Variants in PDS5B observed in about 807,000 individuals in gnomAD.
The protein encoded by PDS5B is sister chromatid cohesion protein PDS5 homolog B.
Under a neutral mutation model 184.1 loss-of-function variants are expected in PDS5B, and 51 were observed. The observed-to-expected ratio is 0.28, with a 90% CI of 0.22 to 0.35. PDS5B has a LOEUF of 0.35. PDS5B is among the 10% of genes least tolerant of loss of function. The pLI, the probability that PDS5B is intolerant of heterozygous loss-of-function variation, is 1.00. For synonymous variants in PDS5B, 566 were observed against 569.2 expected, an observed-to-expected ratio of 0.99 and a Z score of 0.08; for missense variants, 1,180 against 1,723.3, an observed-to-expected ratio of 0.68 and a Z score of 5.58.
intron 20 of PDS5B, among the ~76,000 whole-genome samples, chr13:32,732,780 C>T (rs894893958): frequency 6.6e-6 from 1 of 152,028 alleles, no homozygotes; most frequent in Non-Finnish European, 1.5e-5. Context: ...GTAATTAGAA[C>T]CTAACACTAA....
chr13:32,658,568 AG>A (rs1283333694), intron 5 of PDS5B, 37 bp downstream of exon 5: 2 of 1,107,884 alleles, frequency 1.8e-6, no homozygotes, highest in African/African-American at 1.6e-5. Flanking sequence ...CATTAAAAAA[AG>A]GTAACAAATT....
At chr13:32,739,073 T>C (rs1256097014) in intron 21 of PDS5B, among the ~76,000 whole-genome samples, 2 of 152,236 alleles carry the variant, frequency 1.3e-5, no homozygotes, top group African/African-American at 2.4e-5. Context: ...CCTACTCTAA[T>C]GTCATGAAAA....
At chr13:32,746,294 ATCT>A (rs982464019) in intron 24 of PDS5B, among the ~76,000 whole-genome samples, 194 bp downstream of exon 24, 5 of 152,258 alleles carry the variant, frequency 3.3e-5, no homozygotes, top group South Asian at 4.1e-4. Context: ...AGTACAGTTG[ATCT>A]TCTTCTTTGT....
intron 19 of PDS5B, among the ~76,000 whole-genome samples, chr13:32,714,681 T>G (rs1204557296): frequency 6.6e-6 from 1 of 152,218 alleles, no homozygotes; most frequent in Non-Finnish European, 1.5e-5. Context: ...AATACGGCTC[T>G]GTTATGCCTG....
At chr13:32,630,857 T>A (rs1489718605) in intron 1 of PDS5B, among the ~76,000 whole-genome samples, 1 of 151,796 alleles carries the variant, frequency 6.6e-6, no homozygotes, top group Non-Finnish European at 1.5e-5. Context: ...CCATCTCGGC[T>A]TACTGTAACC....
intron 31 of PDS5B, among the ~76,000 whole-genome samples, chr13:32,766,211 C>G (rs191417227): frequency 2.6e-5 from 4 of 152,254 alleles, no homozygotes; most frequent in East Asian, 1.9e-4. Context: ...TCACTCATAC[C>G]CACACCTATA....
intron 1 of PDS5B, among the ~76,000 whole-genome samples, chr13:32,640,388 A>T (rs573157257): frequency 9.8e-5 from 15 of 152,310 alleles, no homozygotes; most frequent in Middle Eastern, 3.4e-3. Flanking sequence ...TTGAGACTAC[A>T]GGCATGCGCC....
In PDS5B at chr13:32,732,089, T is replaced by G. The variant is rs201249619; in HGVS notation, c.2124-12T>G. 22 of 1,593,568 alleles carry G rather than the reference T, an allele frequency of 1.4e-5. No individual in the cohort carries two copies. The highest frequency in any genetic ancestry group is 1.9e-5 in the Non-Finnish European group (22 of 1,171,960). ...TCTGGTTTATTGTTTTTCTTTGATTTTTTTTTAATAGAGCCTTGCTTCCTG... is the reference window on the plus strand; with the variant it reads ...TCTGGTTTATTGTTTTTCTTTGATTGTTTTTTAATAGAGCCTTGCTTCCTG... On this transcript the variant is annotated splice_polypyrimidine_tract_variant and intron_variant, in intron 19 of 34. Coordinates refer to ENST00000315596, the MANE Select transcript of PDS5B (RefSeq NM_015032.4).
intron 28 of PDS5B, 33 bp from the exon 29 acceptor site, chr13:32,759,595 T>G (rs1173617905): frequency 8.3e-7 from 1 of 1,206,838 alleles, no homozygotes; most frequent in Non-Finnish European, 1.2e-6. Flanking sequence ...TGTTTTAATA[T>G]TCACTGACTA....
intron 7 of PDS5B, among the ~76,000 whole-genome samples, chr13:32,671,515 A>G (rs1056396823): frequency 2.0e-5 from 3 of 152,220 alleles, no homozygotes; most frequent in East Asian, 1.9e-4. Context: ...CTTTATTTTC[A>G]GCCTGAATAA....
chr13:32,740,306 T>C (rs1953493053), intron 21 of PDS5B, among the ~76,000 whole-genome samples: 1 of 152,218 alleles, frequency 6.6e-6, no homozygotes, highest in Non-Finnish European at 1.5e-5. Context: ...AGAAATTTCA[T>C]CACAAGGTGC....
intron 19 of PDS5B, among the ~76,000 whole-genome samples, chr13:32,715,777 G>C (rs1383990664): frequency 6.6e-6 from 1 of 152,092 alleles, no homozygotes; most frequent in African/African-American, 2.4e-5. Context: ...TCCTGCCTCA[G>C]CCTGCCGAGT....
chr13:32,741,993 A>G (rs926858222), intron 22 of PDS5B, among the ~76,000 whole-genome samples: 9 of 152,116 alleles, frequency 5.9e-5, no homozygotes, highest in African/African-American at 2.2e-4. Flanking sequence ...ATACTTACCA[A>G]CTGGCCAGGA....
At chr13:32,722,221 C>G (rs969611333) in intron 19 of PDS5B, among the ~76,000 whole-genome samples, 5 of 152,200 alleles carry the variant, frequency 3.3e-5, no homozygotes, top group Non-Finnish European at 7.4e-5. Context: ...TCAGGCGTGG[C>G]GGCGCACGCC....
intron 21 of PDS5B, among the ~76,000 whole-genome samples, chr13:32,736,562 G>A (rs554080477): frequency 6.6e-6 from 1 of 151,994 alleles, no homozygotes; most frequent in African/African-American, 2.4e-5. Context: ...TTGGTTTCCA[G>A]TTTTACTATG....
intron 19 of PDS5B, among the ~76,000 whole-genome samples, chr13:32,711,421 A>T (rs1338504251): frequency 4.7e-5 from 7 of 148,972 alleles, no homozygotes; most frequent in Non-Finnish European, 1.0e-4. Context: ...GCTGTGGCGC[A>T]ATCTTGGCTC....
intron 13 of PDS5B, among the ~76,000 whole-genome samples, chr13:32,692,374 G>A (rs1321931115): frequency 8.3e-6 from 1 of 120,596 alleles, no homozygotes. Context: ...GGTCTTTGTT[G>A]TGATCTTCTC....
At chr13:32,743,618 T>C (rs1373162056) in intron 23 of PDS5B, among the ~76,000 whole-genome samples, 1 of 152,146 alleles carries the variant, frequency 6.6e-6, no homozygotes, top group African/African-American at 2.4e-5. Context: ...GCCAGCTGCC[T>C]TCTGCCTTTC....
intron 30 of PDS5B, 72 bp downstream of exon 30, chr13:32,760,792 A>C: frequency 7.3e-7 from 1 of 1,373,432 alleles, no homozygotes; most frequent in African/African-American, 1.5e-5. Context: ...AAATAATATA[A>C]TCCAAAATGT....
Sources: gnomAD v4.1 joint callset for allele counts (sites outside exome capture counted in the v4.1 genomes callset) on GRCh38, gnomAD v4.1.1 for gene constraint, MANE v1.5 for transcripts, NCBI Gene and HGNC (gene_info 2026-07-23, HGNC 2026-07-21) for gene names.